SRBD1: variants seen among roughly 807,000 people sequenced by gnomAD.
The protein encoded by SRBD1 is S1 RNA binding domain 1, also known as S1 RNA-binding domain-containing protein 1.
SRBD1 carries 88 observed loss-of-function variants against 115.3 expected under a neutral mutation model. That is an observed-to-expected ratio of 0.76 (90% CI 0.64 to 0.91). SRBD1 has a LOEUF of 0.91. SRBD1 is among the 40% of genes least tolerant of loss of function. The probability of loss-of-function intolerance (pLI) is 0.00; values close to 1 mark genes in which losing one functional copy is unlikely to be tolerated. For missense variants in SRBD1, 1,385 were observed against 1,177.4 expected, an observed-to-expected ratio of 1.18 and a Z score of -2.58; for synonymous variants, 509 against 407.7, an observed-to-expected ratio of 1.25 and a Z score of -2.99.
chr2:45,406,873 CTT>C (rs879388559), intron 19 of SRBD1, among the ~76,000 whole-genome samples: 4 of 147,324 alleles, frequency 2.7e-5, no homozygotes, highest in South Asian at 4.3e-4. Context: ...ATTCCAGATA[CTT>C]TTTTTTTTTT....
chr2:45,529,570 C>T (rs1671549356), intron 14 of SRBD1, among the ~76,000 whole-genome samples: 1 of 151,820 alleles, frequency 6.6e-6, no homozygotes, highest in South Asian at 2.1e-4. Flanking sequence ...GAAAAAAAAT[C>T]TGATTTCATG....
intron 9 of SRBD1, chr2:45,569,540 A>C (rs1030898139): frequency 6.6e-6 from 1 of 152,238 alleles, no homozygotes; most frequent in Non-Finnish European, 1.5e-5. Flanking sequence ...AAAGGTTAGG[A>C]ATACTAGTTT....
At chr2:45,485,931 A>G (rs909465366) in intron 15 of SRBD1, among the ~76,000 whole-genome samples, 1 of 152,230 alleles carries the variant, frequency 6.6e-6, no homozygotes, top group African/African-American at 2.4e-5. Context: ...ACCAGATTTT[A>G]AAGACTCAAA....
At chr2:45,564,991 A>G (rs920665155) in intron 9 of SRBD1, among the ~76,000 whole-genome samples, 18 of 152,230 alleles carry the variant, frequency 1.2e-4, no homozygotes, top group Non-Finnish European at 2.2e-4. Context: ...GAAGATCTAA[A>G]TAAATACCCA....
intron 16 of SRBD1, among the ~76,000 whole-genome samples, chr2:45,468,069 A>G (rs1260074393): frequency 6.6e-6 from 1 of 152,144 alleles, no homozygotes; most frequent in African/African-American, 2.4e-5. Context: ...CTCTCGTTCC[A>G]TGCCCCATCC....
chr2:45,521,862 G>A (rs1671294741), intron 14 of SRBD1, among the ~76,000 whole-genome samples: 3 of 152,024 alleles, frequency 2.0e-5, no homozygotes, highest in Admixed American at 2.0e-4. Context: ...CAGCTACTCA[G>A]GAGGCTCAGC....
At chr2:45,467,586 T>C (rs1018668904) in intron 16 of SRBD1, among the ~76,000 whole-genome samples, 1 of 152,100 alleles carries the variant, frequency 6.6e-6, no homozygotes, top group Admixed American at 6.6e-5. Context: ...AATTATTTAA[T>C]TCCTAAAATT....
intron 1 of SRBD1, among the ~76,000 whole-genome samples, chr2:45,608,377 T>C (rs1001464611): frequency 9.9e-5 from 15 of 152,124 alleles, no homozygotes; most frequent in African/African-American, 2.7e-4. Flanking sequence ...AGAAAGAATA[T>C]ATACAAAAGC....
chr2:45,437,620 C>G, intron 16 of SRBD1, among the ~76,000 whole-genome samples: 1 of 152,130 alleles, frequency 6.6e-6, no homozygotes. Context: ...CCCAGCTACT[C>G]AGGAGCCTGA....
intron 19 of SRBD1, among the ~76,000 whole-genome samples, chr2:45,409,909 ATAT>A (rs1184217498): frequency 6.6e-6 from 1 of 152,220 alleles, no homozygotes; most frequent in Non-Finnish European, 1.5e-5. Context: ...GACTTGATAA[ATAT>A]TATTAAGACA....
intron 14 of SRBD1, among the ~76,000 whole-genome samples, chr2:45,519,386 A>G (rs1671214627): frequency 6.6e-6 from 1 of 152,154 alleles, no homozygotes; most frequent in Non-Finnish European, 1.5e-5. Flanking sequence ...GTCCAGGGAA[A>G]CAAAAGCCTT....
chr2:45,611,057 C>A (rs1674434898), intron 1 of SRBD1, among the ~76,000 whole-genome samples, 162 bp downstream of exon 1: 1 of 152,168 alleles, frequency 6.6e-6, no homozygotes, highest in Non-Finnish European at 1.5e-5. Context: ...TTGTGAGAGA[C>A]CGCTGACAGT....
chr2:45,497,265 G>C (rs1249875494), intron 14 of SRBD1, among the ~76,000 whole-genome samples: 1 of 152,108 alleles, frequency 6.6e-6, no homozygotes, highest in Non-Finnish European at 1.5e-5. Flanking sequence ...GCTTCTCATG[G>C]GGACATACCA....
At chr2:45,453,880 C>G (rs1035236193) in intron 16 of SRBD1, among the ~76,000 whole-genome samples, 1 of 151,976 alleles carries the variant, frequency 6.6e-6, no homozygotes, top group East Asian at 1.9e-4. Context: ...TTTTCCTCTT[C>G]TGATAAGCAA....
In SRBD1 at chr2:45,389,556, T is replaced by C; in HGVS notation, c.2742A>G (p.Glu914=). Residue 914 remains glutamate, a synonymous_variant, in exon 21 of 21, where the codon GAA becomes GAG. Coordinates refer to ENST00000263736, the MANE Select transcript of SRBD1 (RefSeq NM_018079.5). ...TAAGAACTGTCCCAATCTGCAGATC[T>C]TCCAGGCATACTATGCTTCTCTTGA... ...PDFKRSIVCL[E]DLQIGTVLTG... is the part of the protein sequence containing the mutation. 1 of 1,614,012 alleles carries C rather than the reference T, an allele frequency of 6.2e-7. No homozygotes were observed. The highest frequency in any genetic ancestry group is 2.2e-5 in the East Asian group (1 of 44,872).
intron 19 of SRBD1, among the ~76,000 whole-genome samples, chr2:45,408,655 C>G (rs1178342649): frequency 6.6e-6 from 1 of 152,146 alleles, no homozygotes; most frequent in Non-Finnish European, 1.5e-5. Context: ...CAGTGTGTTA[C>G]TTGGTGATGT....
At chr2:45,586,651 T>A (rs1673532312) in intron 4 of SRBD1, among the ~76,000 whole-genome samples, 1 of 151,676 alleles carries the variant, frequency 6.6e-6, no homozygotes, top group Non-Finnish European at 1.5e-5. Context: ...GCTCAACTGA[T>A]CCTCCAGCCT....
At chr2:45,565,863 C>T (rs966408166) in intron 9 of SRBD1, among the ~76,000 whole-genome samples, 3 of 152,154 alleles carry the variant, frequency 2.0e-5, no homozygotes, top group East Asian at 1.9e-4. Context: ...TGACCTCAGG[C>T]GATCCGCCTG....
At chr2:45,421,139 G>A (rs181386280) in intron 16 of SRBD1, among the ~76,000 whole-genome samples, 1 of 152,294 alleles carries the variant, frequency 6.6e-6, no homozygotes, top group Admixed American at 6.5e-5. Context: ...ACTACACCAT[G>A]ATTTACCACA....
Sources: gnomAD v4.1 joint callset for allele counts (sites outside exome capture counted in the v4.1 genomes callset) on GRCh38, gnomAD v4.1.1 for gene constraint, MANE v1.5 for transcripts, NCBI Gene and HGNC (gene_info 2026-07-23, HGNC 2026-07-21) for gene names.